OPRM1: variants seen among roughly 807,000 people sequenced by gnomAD.
OPRM1 encodes mu-type opioid receptor.
Under a neutral mutation model 31.8 loss-of-function variants are expected in OPRM1, and 27 were observed. The observed-to-expected ratio is 0.85, with a 90% CI of 0.63 to 1.17. OPRM1 has a LOEUF of 1.17. Ranked by LOEUF, OPRM1 falls within the 50% of genes most tolerant of loss-of-function variation. The probability of loss-of-function intolerance (pLI) is 0.00; values close to 1 mark genes in which losing one functional copy is unlikely to be tolerated. For missense variants in OPRM1, 536 were observed against 511.1 expected, an observed-to-expected ratio of 1.05 and a Z score of -0.47; for synonymous variants, 196 against 189.9, an observed-to-expected ratio of 1.03 and a Z score of -0.26.
At chr6:154,164,455 C>T (rs1263079346) in intron 3 of OPRM1, among the ~76,000 whole-genome samples, 2 of 152,166 alleles carry the variant, frequency 1.3e-5, no homozygotes, top group African/African-American at 4.8e-5. Context: ...CCTTCCTACA[C>T]CAGGCATCCT....
intron 3 of OPRM1, 73 bp downstream of exon 3, chr6:154,091,545 G>C: frequency 6.6e-7 from 1 of 1,513,242 alleles, no homozygotes; most frequent in South Asian, 1.3e-5. Context: ...GCTAAACTAG[G>C]AGTTTAATCC....
chr6:154,012,909 A>T (rs534183242), intron 1 of OPRM1, among the ~76,000 whole-genome samples: 2 of 152,182 alleles, frequency 1.3e-5, no homozygotes, highest in African/African-American at 4.8e-5. Flanking sequence ...GTCTCTTCTC[A>T]TAAGGGCACT....
At chr6:154,208,695 G>T (rs867114137) in intron 3 of OPRM1, among the ~76,000 whole-genome samples, 1 of 152,118 alleles carries the variant, frequency 6.6e-6, no homozygotes, top group Non-Finnish European at 1.5e-5. Flanking sequence ...AAACTTGAAG[G>T]AAAAATACCT....
intron 3 of OPRM1, among the ~76,000 whole-genome samples, chr6:154,182,387 T>C (rs1800963090): frequency 6.6e-6 from 1 of 152,220 alleles, no homozygotes; most frequent in South Asian, 2.1e-4. Context: ...GTTGTTATTA[T>C]TGAGTCTTGA....
intron 3 of OPRM1, among the ~76,000 whole-genome samples, chr6:154,198,721 A>G (rs1423004451): frequency 6.6e-6 from 1 of 152,108 alleles, no homozygotes; most frequent in African/African-American, 2.4e-5. Flanking sequence ...AAATTAAATT[A>G]GCAGGGTACC....
chr6:154,111,680 A>T (rs1796372935), intron 3 of OPRM1, among the ~76,000 whole-genome samples: 1 of 152,186 alleles, frequency 6.6e-6, no homozygotes, highest in Non-Finnish European at 1.5e-5. Flanking sequence ...CAAACATTTA[A>T]TTTTTTTAAA....
intron 3 of OPRM1, among the ~76,000 whole-genome samples, chr6:154,239,139 C>A (rs1245304519): frequency 6.6e-6 from 1 of 152,024 alleles, no homozygotes; most frequent in Non-Finnish European, 1.5e-5. Context: ...ACCAACATTT[C>A]CTGGCTCTCG....
At chr6:154,077,995 C>G (rs956860466) in intron 1 of OPRM1, among the ~76,000 whole-genome samples, 3 of 152,114 alleles carry the variant, frequency 2.0e-5, no homozygotes, top group African/African-American at 7.2e-5. Context: ...CTCAGTCTCT[C>G]TGCATTCCGC....
At chr6:154,199,168 C>A (rs748987281) in intron 3 of OPRM1, among the ~76,000 whole-genome samples, 6 of 152,190 alleles carry the variant, frequency 3.9e-5, no homozygotes, top group Non-Finnish European at 8.8e-5. Context: ...GCACAAAGTG[C>A]ATGCAAATTG....
rs916372875 is a variant in OPRM1 at position 154,131,817 on chromosome 6, T to C, written c.*13096T>C. Among the ~76,000 whole-genome samples the C allele has an allele frequency of 6.6e-6, 1 of 152,134 alleles. No individual in the cohort carries two copies. Among genetic ancestry groups the C allele is most frequent in the Admixed American group, 6.5e-5 (1 of 15,282 alleles). On this transcript the variant is annotated 3_prime_UTR_variant, in exon 4 of 4. Transcript: ENST00000330432. ...TCAAAAATATTTGCCTGGAAACCTG[T>C]ATTTCGCCTATAGAGACAAATACAT...
intron 1 of OPRM1, among the ~76,000 whole-genome samples, chr6:154,064,412 C>A (rs17174701): frequency 6.6e-6 from 1 of 152,142 alleles, no homozygotes; most frequent in South Asian, 2.1e-4. Context: ...TATATGATTT[C>A]CAAATATATT....
intron 1 of OPRM1, among the ~76,000 whole-genome samples, chr6:154,043,509 T>G (rs1361685150): frequency 2.0e-5 from 3 of 150,600 alleles, no homozygotes; most frequent in Non-Finnish European, 4.4e-5. Context: ...ATGTTTTATC[T>G]AATATAAGGA....
intron 1 of OPRM1, among the ~76,000 whole-genome samples, chr6:154,054,152 G>T (rs967757873): frequency 2.0e-5 from 3 of 151,896 alleles, no homozygotes; most frequent in African/African-American, 4.8e-5. Flanking sequence ...GGCGGATCAC[G>T]AGGTCAGGAG....
chr6:154,145,377 G>A (rs1448081087), intron 3 of OPRM1, among the ~76,000 whole-genome samples: 3 of 152,132 alleles, frequency 2.0e-5, no homozygotes, highest in African/African-American at 2.4e-5. Flanking sequence ...ACGGACACAT[G>A]GACAGCCAAA....
chr6:154,057,734 G>A (rs1783598903), intron 1 of OPRM1, among the ~76,000 whole-genome samples: 1 of 152,204 alleles, frequency 6.6e-6, no homozygotes, highest in Admixed American at 6.5e-5. Flanking sequence ...TCCTGTATGA[G>A]TGGAATTTGT....
chr6:154,238,182 A>C (rs1780290178), intron 3 of OPRM1, among the ~76,000 whole-genome samples: 1 of 152,198 alleles, frequency 6.6e-6, no homozygotes, highest in African/African-American at 2.4e-5. Flanking sequence ...TATTTTTGTA[A>C]AACATAGAAA....
intron 1 of OPRM1, among the ~76,000 whole-genome samples, chr6:154,043,643 A>G (rs1780525981): frequency 6.6e-6 from 1 of 152,030 alleles, no homozygotes; most frequent in African/African-American, 2.4e-5. Context: ...ATAAAAAGAT[A>G]ATAGTTTATT....
intron 1 of OPRM1, among the ~76,000 whole-genome samples, chr6:154,076,232 C>T (rs77022585): frequency 4.6e-5 from 7 of 152,114 alleles, no homozygotes; most frequent in South Asian, 2.1e-4. Context: ...AAGACCTTTA[C>T]GAAAAACATG....
Position 154,123,005 on chromosome 6 carries a change from T to A in OPRM1, c.*4284T>A, listed in dbSNP as rs1484420656. Among the ~76,000 whole-genome samples the A allele has an allele frequency of 1.3e-5, 2 of 152,068 alleles. No individual in the cohort carries two copies. Among genetic ancestry groups the A allele is most frequent in the East Asian group, 3.9e-4 (2 of 5,168 alleles). ...AATTAAGGAGCATGGACACAAAGGG[T>A]GAGGTTGGAGCAAAAGTTTAATAAG... On this transcript the variant is annotated 3_prime_UTR_variant, in exon 4 of 4. Coordinates refer to ENST00000330432, the MANE Select transcript of OPRM1 (RefSeq NM_000914.5).
Sources: gnomAD v4.1 joint callset for allele counts (sites outside exome capture counted in the v4.1 genomes callset) on GRCh38, gnomAD v4.1.1 for gene constraint, MANE v1.5 for transcripts, NCBI Gene and HGNC (gene_info 2026-07-23, HGNC 2026-07-21) for gene names.